DIP2C: variants seen among roughly 807,000 people sequenced by gnomAD.
DIP2C encodes disco-interacting protein 2 homolog C.
Under a neutral mutation model 192.4 loss-of-function variants are expected in DIP2C, and 33 were observed. The ratio of observed to expected loss-of-function variants is 0.17; its 90% CI spans 0.13 to 0.23. The LOEUF is 0.23. Ranked by LOEUF, DIP2C falls within the 10% of genes least tolerant of loss-of-function variation. The pLI is 1.00. For missense variants in DIP2C, 1,537 were observed against 2,110.1 expected, an observed-to-expected ratio of 0.73 and a Z score of 5.32; for synonymous variants, 979 against 864.1, an observed-to-expected ratio of 1.13 and a Z score of -2.33.
intron 1 of DIP2C, among the ~76,000 whole-genome samples, chr10:610,046 G>A (rs1045786008): frequency 6.6e-6 from 1 of 152,058 alleles, no homozygotes; most frequent in Admixed American, 6.6e-5. Flanking sequence ...ATGCAGCACC[G>A]TCCACAGCAG....
Position 390,031 on chromosome 10 carries a change from T to C in DIP2C, c.1557A>G (p.Thr519=), listed in dbSNP as rs147311405. 2,686 of 1,614,098 alleles carry C rather than the reference T, an allele frequency of 1.7e-3. 4 individuals are homozygous for C. The highest frequency in any genetic ancestry group is 2.1e-3 in the Non-Finnish European group (2,455 of 1,179,976). The change falls in exon 13 of 37, where the codon ACA becomes ACG. Residue 519 remains threonine (T), a synonymous_variant. Coordinates refer to ENST00000280886, the MANE Select transcript of DIP2C (RefSeq NM_014974.3). ...ACGCCTGCGTCAGGGCCTGGCAGTG[T>C]GTCAGCAGCGCAGTCCTCGTCACCG... is the stretch of plus-strand genomic sequence containing the variant. ...GVTVTRTALL[T]HCQALTQACG... is the part of the protein sequence containing the mutation.
intron 4 of DIP2C, among the ~76,000 whole-genome samples, chr10:439,155 G>A (rs1029284127): frequency 2.0e-5 from 3 of 152,124 alleles, no homozygotes; most frequent in Non-Finnish European, 4.4e-5. Context: ...CCCTAATTAC[G>A]TGCTGTTGCT....
chr10:664,322 AAAG>A (rs1459367786), intron 1 of DIP2C: 16 of 152,236 alleles, frequency 1.1e-4, no homozygotes, highest in Non-Finnish European at 1.6e-4. Flanking sequence ...AGGAGAGAGA[AAAG>A]AAGGAATGGT....
At chr10:382,475 G>A (rs1424987282) in intron 17 of DIP2C, 172 bp downstream of exon 17, 2 of 585,526 alleles carry the variant, frequency 3.4e-6, no homozygotes, top group East Asian at 2.8e-5. Context: ...AATCTAGGCT[G>A]TTCAAAAGAA....
intron 3 of DIP2C, among the ~76,000 whole-genome samples, chr10:453,328 G>A (rs893627444): frequency 2.6e-5 from 4 of 152,330 alleles, no homozygotes; most frequent in Non-Finnish European, 4.4e-5. Context: ...AATCTCTCGG[G>A]TGAAGGTACC....
chr10:379,281 GGCT>G (rs1962096964), intron 17 of DIP2C, among the ~76,000 whole-genome samples: 1 of 148,918 alleles, frequency 6.7e-6, no homozygotes, highest in African/African-American at 2.5e-5. Context: ...CCATCACTAG[GGCT>G]GCTGCTGCTC....
intron 4 of DIP2C, among the ~76,000 whole-genome samples, chr10:438,566 T>TGCAGCC (rs1967464090): frequency 6.6e-6 from 1 of 152,000 alleles, no homozygotes; most frequent in Non-Finnish European, 1.5e-5. Context: ...CATGGCTCAC[T>TGCAGCC]GCAGCCTCAG....
intron 1 of DIP2C, among the ~76,000 whole-genome samples, chr10:609,225 TCTC>T (rs1852892691): frequency 6.6e-6 from 1 of 152,042 alleles, no homozygotes; most frequent in Non-Finnish European, 1.5e-5. Context: ...ATACCTCTGC[TCTC>T]CTTACAGGAA....
At chr10:490,005 C>T (rs1417231089) in intron 1 of DIP2C, among the ~76,000 whole-genome samples, 1 of 53,894 alleles carries the variant, frequency 1.9e-5, no homozygotes, top group Non-Finnish European at 4.8e-5. Flanking sequence ...GTGGCTCTGA[C>T]GGTGCCTGGG....
At chr10:480,873 C>A (rs567275609) in intron 2 of DIP2C, among the ~76,000 whole-genome samples, 1 of 152,318 alleles carries the variant, frequency 6.6e-6, no homozygotes, top group African/African-American at 2.4e-5. Context: ...TACAGCAACG[C>A]GGTCTAGAAA....
At chr10:561,507 A>C (rs1486300036) in intron 1 of DIP2C, among the ~76,000 whole-genome samples, 1 of 152,174 alleles carries the variant, frequency 6.6e-6, no homozygotes, top group Non-Finnish European at 1.5e-5. Context: ...AATGTTCCTC[A>C]AGGCTTTTGG....
chr10:455,137 G>A (rs904237987), intron 3 of DIP2C, among the ~76,000 whole-genome samples: 7 of 152,224 alleles, frequency 4.6e-5, no homozygotes, highest in African/African-American at 9.7e-5. Context: ...GCAGGAAGAC[G>A]TAGGTTCGGG....
chr10:532,586 AGT>A lies in DIP2C; in HGVS notation c.86-46058_86-46057del. Among the ~76,000 whole-genome samples, 3 of 141,392 alleles carry A rather than the reference AGT, an allele frequency of 2.1e-5. 1 individual carries two copies. Among genetic ancestry groups the A allele is most frequent in the Admixed American group, 7.0e-5 (1 of 14,332 alleles). The allele number at this position is 141,392 out of a possible 152,430, so 92.8% of individuals were successfully genotyped here. A position where few individuals can be genotyped will look rare whatever the true frequency, so the allele number is the denominator to read the frequency against. ...GAGAGAGAGTATGGGTGTGAGAGAGAGTATGGGTGTGAGAGAGAGTATGGGTG... is the reference window on the plus strand; with the variant it reads ...GAGAGAGAGTATGGGTGTGAGAGAGAATGGGTGTGAGAGAGAGTATGGGTG... On this transcript the variant is annotated intron_variant, in intron 1 of 36. Coordinates refer to ENST00000280886, the MANE Select transcript of DIP2C (RefSeq NM_014974.3).
chr10:671,537 G>A (rs1354503197), intron 1 of DIP2C, among the ~76,000 whole-genome samples: 3 of 97,216 alleles, frequency 3.1e-5, no homozygotes, highest in Non-Finnish European at 5.9e-5. Context: ...GGAGGAAACA[G>A]GCCACAGACG....
At chr10:459,105 A>G (rs1206702730) in intron 3 of DIP2C, among the ~76,000 whole-genome samples, 2 of 152,288 alleles carry the variant, frequency 1.3e-5, no homozygotes, top group East Asian at 3.9e-4. Flanking sequence ...AGTGGGGCTA[A>G]TATTTTGATA....
chr10:688,815 G>C (rs974191237), intron 1 of DIP2C, among the ~76,000 whole-genome samples: 2 of 152,268 alleles, frequency 1.3e-5, no homozygotes, highest in African/African-American at 4.8e-5. Flanking sequence ...GACCAGGACG[G>C]CAAGGCCGGA....
intron 1 of DIP2C, chr10:662,793 G>A (rs12764499): frequency 1.5e-4 from 105 of 710,632 alleles, no homozygotes; most frequent in South Asian, 4.8e-4. Context: ...TCTTTTAGAA[G>A]AACCAAAACT....
chr10:450,241 G>A (rs981277698), intron 3 of DIP2C, among the ~76,000 whole-genome samples: 1 of 152,136 alleles, frequency 6.6e-6, no homozygotes, highest in Non-Finnish European at 1.5e-5. Context: ...ACATGTTTAT[G>A]TATAAATTAC....
chr10:689,004 G>C lies in DIP2C; in HGVS notation c.85+490C>G, dbSNP rs1176160157. Among the ~76,000 whole-genome samples, 1 of 152,170 alleles carries C rather than the reference G, an allele frequency of 6.6e-6. No homozygotes were observed. Among genetic ancestry groups the C allele is most frequent in the Admixed American group, 6.5e-5 (1 of 15,286 alleles). On this transcript the variant is annotated intron_variant, in intron 1 of 36. Coordinates refer to ENST00000280886, the MANE Select transcript of DIP2C (RefSeq NM_014974.3). This position sits in a 1 kb window ranked among gnomAD's most constrained non-coding sequence, Gnocchi z 6.1. ...GAAATCTGGCCGGGCGTTCCAGGCCGAACCCGCCAGCGAGGAGGTGGCGCG... is the reference window on the plus strand; with the variant it reads ...GAAATCTGGCCGGGCGTTCCAGGCCCAACCCGCCAGCGAGGAGGTGGCGCG...
Sources: allele counts gnomAD v4.1 joint callset (sites outside exome capture counted in the v4.1 genomes callset), GRCh38; gene constraint gnomAD v4.1.1; non-coding constraint Gnocchi (gnomAD v3.1); transcripts MANE v1.5; gene names NCBI Gene and HGNC (gene_info 2026-07-23, HGNC 2026-07-21).